The following EDN1 variants were observed in gnomAD, a reference collection of about 807,000 sequenced individuals.
EDN1 encodes the protein endothelin 1.
A neutral mutation model predicts 21.7 loss-of-function variants in EDN1; 11 were observed. The ratio of observed to expected loss-of-function variants is 0.51; its 90% CI spans 0.32 to 0.84. EDN1 has a LOEUF of 0.84. Ranked by LOEUF, EDN1 falls within the 40% of genes least tolerant of loss-of-function variation. The pLI, the probability that EDN1 is intolerant of heterozygous loss-of-function variation, is 0.03. For missense variants in EDN1, 244 were observed against 262.3 expected, an observed-to-expected ratio of 0.93 and a Z score of 0.48; for synonymous variants, 85 against 90.6, an observed-to-expected ratio of 0.94 and a Z score of 0.35.
At chr6:12,230,907 T>C in the EDN1 span, among the ~76,000 whole-genome samples, 3 of 152,178 alleles carry the variant, frequency 2.0e-5, no homozygotes, top group African/African-American at 7.2e-5. Flanking sequence ...TTTTGGAGAC[T>C]CAGGAGACTT....
the EDN1 span, among the ~76,000 whole-genome samples, chr6:12,258,117 T>C: frequency 6.6e-6 from 1 of 151,948 alleles, no homozygotes; most frequent in Non-Finnish European, 1.5e-5. Flanking sequence ...ATTAGTATAA[T>C]TGCAAGCGGA....
At chr6:12,265,790 A>C in the EDN1 span, among the ~76,000 whole-genome samples, 2 of 152,234 alleles carry the variant, frequency 1.3e-5, no homozygotes, top group Non-Finnish European at 2.9e-5. Flanking sequence ...ATTTTTTACC[A>C]GTCCTAAATG....
chr6:12,271,910 C>T, the EDN1 span, among the ~76,000 whole-genome samples: 1 of 152,168 alleles, frequency 6.6e-6, no homozygotes, highest in East Asian at 1.9e-4. Flanking sequence ...TGTAAGGTTT[C>T]TTTTGAGAAA....
At chr6:12,238,171 CAA>C in the EDN1 span, among the ~76,000 whole-genome samples, 23 of 104,404 alleles carry the variant, frequency 2.2e-4, no homozygotes, top group East Asian at 7.7e-4. Context: ...GACTCTATCT[CAA>C]AAAAAAAAAA....
chr6:12,262,346 G>A, the EDN1 span, among the ~76,000 whole-genome samples: 4 of 152,268 alleles, frequency 2.6e-5, no homozygotes, highest in Non-Finnish European at 5.9e-5. Context: ...CCTTGAGGGA[G>A]CAAGAGGCTT....
At chr6:12,242,730 C>T in the EDN1 span, among the ~76,000 whole-genome samples, 3 of 150,054 alleles carry the variant, frequency 2.0e-5, no homozygotes, top group African/African-American at 7.6e-5. Context: ...CCCTCTGGCT[C>T]CTCCTTGGCT....
the EDN1 span, among the ~76,000 whole-genome samples, chr6:12,260,517 T>C: frequency 6.6e-6 from 1 of 152,202 alleles, no homozygotes; most frequent in African/African-American, 2.4e-5. Context: ...TATTGATTTC[T>C]GCAGTAACAA....
rs747917285 is a variant in EDN1, at chr6:12,292,477, C to T, written c.201C>T (p.Cys67=). The change falls in exon 2 of 5, where the codon TGC becomes TGT. Residue 67 remains cysteine (C), a synonymous_variant. Coordinates refer to ENST00000379375, the MANE Select transcript of EDN1 (RefSeq NM_001955.5). ...TGGATAAAGAGTGTGTCTACTTCTGCCACCTGGACATCATTTGGGTCAACA... is the reference window on the plus strand; with the variant it reads ...TGGATAAAGAGTGTGTCTACTTCTGTCACCTGGACATCATTTGGGTCAACA... ...SLMDKECVYF[C]HLDIIWVNTP... is the part of the protein sequence containing the mutation. The T allele has an allele frequency of 1.2e-6, 2 of 1,614,178 alleles. No homozygotes were observed. The highest frequency in any genetic ancestry group is 1.7e-6 in the Non-Finnish European group (2 of 1,180,028).
chr6:12,239,799 T>TGG, the EDN1 span, among the ~76,000 whole-genome samples: 19 of 151,932 alleles, frequency 1.3e-4, no homozygotes, highest in African/African-American at 4.6e-4. Context: ...GTCCCAGCTA[T>TGG]TCAGGAGGCT....
the EDN1 span, among the ~76,000 whole-genome samples, chr6:12,232,792 A>G: frequency 0.95 from 145,337 of 152,312 alleles, 69,373 homozygotes; most frequent in East Asian, 1. Flanking sequence ...TCATGCATAT[A>G]CCTTTTGGTT....
rs1037776443 is a variant in EDN1 at position 12,290,430 on chromosome 6, G to T, written c.-200G>T. The T allele has an allele frequency of 1.0e-5, 6 of 597,958 alleles. No homozygotes were observed. The highest frequency in any genetic ancestry group is 1.8e-5 in the Non-Finnish European group (6 of 337,048). The allele number at this position is 597,958 out of a possible 1,614,324, so 37.0% of individuals were successfully genotyped here. A position where few individuals can be genotyped will look rare whatever the true frequency, so the allele number is the denominator to read the frequency against. On this transcript the variant is annotated 5_prime_UTR_variant, in exon 1 of 5. Coordinates refer to ENST00000379375, the MANE Select transcript of EDN1 (RefSeq NM_001955.5). The stretch of plus-strand genomic sequence containing the variant: ...CCTGCAGTCCCAGCTCTCCACCGCC[G>T]CGTGCGCCTGCAGACGCTCCGCTCG...
upstream of EDN1, among the ~76,000 whole-genome samples, chr6:12,285,603 C>T (rs1289370764): frequency 2.0e-5 from 3 of 152,156 alleles, no homozygotes; most frequent in Non-Finnish European, 4.4e-5. Context: ...TGGAGTTTCA[C>T]TCTTGTTGCC....
rs1281131540 is a variant in EDN1, at chr6:12,296,712, C to T, written c.*645C>T. 2.6e-5 allele frequency: 4 copies of T among 153,114 alleles called. No individual in the cohort carries two copies. The highest frequency in any genetic ancestry group is 4.1e-4 in the South Asian group (2 of 4,878). The allele number at this position is 153,114 out of a possible 1,614,324, so 9.5% of individuals were successfully genotyped here. A position where few individuals can be genotyped will look rare whatever the true frequency, so the allele number is the denominator to read the frequency against. ...TATTGCCTCCCCAAACTCTTCCCAC[C>T]CCTGCTGCCCCTTCCTCCATCCCCC... On this transcript the variant is annotated 3_prime_UTR_variant, in exon 5 of 5. Coordinates refer to ENST00000379375, the MANE Select transcript of EDN1 (RefSeq NM_001955.5).
chr6:12,265,064 T>C, the EDN1 span, among the ~76,000 whole-genome samples: 46 of 152,282 alleles, frequency 3.0e-4, no homozygotes, highest in East Asian at 8.9e-3. Flanking sequence ...TGCAAAAGGA[T>C]TGCAGAGTCA....
At chr6:12,262,599 C>CG in the EDN1 span, among the ~76,000 whole-genome samples, 7 of 152,270 alleles carry the variant, frequency 4.6e-5, no homozygotes, top group Non-Finnish European at 7.4e-5. Flanking sequence ...AGGCCGGGTA[C>CG]GGCAGCTCAT....
chr6:12,248,112 AAC>A, the EDN1 span, among the ~76,000 whole-genome samples: 3 of 152,194 alleles, frequency 2.0e-5, no homozygotes, highest in African/African-American at 7.2e-5. Context: ...CTAAACTGAG[AAC>A]AGTAAAGCTA....
chr6:12,281,265 A>G, the EDN1 span, among the ~76,000 whole-genome samples: 1 of 152,240 alleles, frequency 6.6e-6, no homozygotes, highest in Non-Finnish European at 1.5e-5. Flanking sequence ...CTTATGTGAA[A>G]CAGTTCTTCC....
chr6:12,241,720 T>G, the EDN1 span, among the ~76,000 whole-genome samples: 1 of 152,216 alleles, frequency 6.6e-6, no homozygotes, highest in African/African-American at 2.4e-5. Context: ...CTTACTCATG[T>G]TCATAGAAGA....
chr6:12,263,310 G>A, the EDN1 span, among the ~76,000 whole-genome samples: 1 of 152,168 alleles, frequency 6.6e-6, no homozygotes, highest in Admixed American at 6.5e-5. Flanking sequence ...TAAATATAGG[G>A]AACACTGTCC....
Sources: gnomAD v4.1 joint callset for allele counts (sites outside exome capture counted in the v4.1 genomes callset) on GRCh38, gnomAD v4.1.1 for gene constraint, MANE v1.5 for transcripts, NCBI Gene and HGNC (gene_info 2026-07-23, HGNC 2026-07-21) for gene names.